Variants in SPACA6 observed in about 807,000 individuals in gnomAD.
SPACA6 encodes sperm acrosome associated 6, also known as sperm acrosome membrane-associated protein 6.
For synonymous variants in SPACA6, 6 were observed against 1.5 expected (o/e 4.05, Z -2.21); for missense variants, 8 against 2.8 (o/e 2.88, Z -1.34).
intron 2 of SPACA6, among the ~76,000 whole-genome samples, chr19:51,696,828 A>G (rs958781641): frequency 2.6e-5 from 4 of 152,180 alleles, no homozygotes; most frequent in Admixed American, 1.3e-4. Context: ...GCAAGGTGAC[A>G]GTGACAGCGA....
In SPACA6 at chr19:51,694,532, T is replaced by A. The variant is rs1320687510; in HGVS notation, c.269T>A (p.Leu90Gln). Residue 90 changes from leucine to glutamine, a missense_variant, in exon 2 of 9, where the codon CTG (leucine) becomes CAG (glutamine). Transcript: ENST00000637797. ...ACCTTCACCCAGATGACCCATGCCC[T>A]GCAGGAGCTGGCTGCTGCCCAGGGT... ...HDTFTQMTHA[L>Q]QELAAAQGSF... 2.5e-6 allele frequency: 1 copy of A among 399,438 alleles called. No homozygotes were observed. The highest frequency in any genetic ancestry group is 4.4e-6 in the Non-Finnish European group (1 of 226,400). 24.7% of individuals were successfully genotyped at this position (399,438 alleles called of 1,614,324 possible).
At chr19:51,696,458 G>GT (rs1297970325) in intron 2 of SPACA6, among the ~76,000 whole-genome samples, 3 of 151,846 alleles carry the variant, frequency 2.0e-5, no homozygotes, top group South Asian at 2.1e-4. Flanking sequence ...TAGTTTTTTT[G>GT]TTTTTTTGAG....
At chr19:51,688,851 G>A (rs145613834), upstream of SPACA6, among the ~76,000 whole-genome samples, 151 of 151,628 alleles carry the variant, frequency 1.0e-3, no homozygotes, top group African/African-American at 3.5e-3. Flanking sequence ...GACACAGAGA[G>A]GCAGCAAAAG....
rs570432291 is a variant in SPACA6, at chr19:51,702,152, A to G, written c.361+426A>G. 5.9e-5 allele frequency among the ~76,000 whole-genome samples: 9 copies of G among 151,832 alleles called. No homozygotes were observed. In the South Asian group the frequency reaches 6.3e-4, roughly 11 times the overall value. On this transcript the variant is annotated intron_variant, in intron 3 of 8. Transcript: ENST00000637797. ...GAGCCTCAGACCTTGAGGGACGACT[A>G]TTTCCCCGCGTGGACCATTTTTGAT... is the stretch of plus-strand genomic sequence containing the variant.
At chr19:51,694,671 G>A (rs1568616054) in intron 2 of SPACA6, 116 bp downstream of exon 2, 7 of 398,236 alleles carry the variant, frequency 1.8e-5, no homozygotes, top group Non-Finnish European at 2.7e-5. Flanking sequence ...AGTGATCCGG[G>A]AGGGGAAAGC....
At chr19:51,695,348 A>G (rs541655355) in intron 2 of SPACA6, among the ~76,000 whole-genome samples, 3 of 152,334 alleles carry the variant, frequency 2.0e-5, no homozygotes. Flanking sequence ...ACGAGGTGCC[A>G]GACCCTGGAA....
downstream of SPACA6, among the ~76,000 whole-genome samples, chr19:51,706,124 C>T (rs61000150): frequency 8.3e-4 from 126 of 152,290 alleles, 1 homozygote; most frequent in East Asian, 0.018. Flanking sequence ...CAGGTCTGGC[C>T]TTTGCTGACC....
At chr19:51,690,363 C>T (rs527691962), upstream of SPACA6, among the ~76,000 whole-genome samples, 1 of 152,240 alleles carries the variant, frequency 6.6e-6, no homozygotes, top group South Asian at 2.1e-4. Flanking sequence ...GGCCCCCAAC[C>T]CTCTGTTCCT....
At chr19:51,683,227 C>T in the SPACA6 span, among the ~76,000 whole-genome samples, 33 of 152,246 alleles carry the variant, frequency 2.2e-4, no homozygotes, top group African/African-American at 7.9e-4. Flanking sequence ...ATCTCTCTGC[C>T]TCCATCATCA....
chr19:51,702,195 A>G (rs1196135085), intron 3 of SPACA6, among the ~76,000 whole-genome samples: 1 of 149,030 alleles, frequency 6.7e-6, no homozygotes, highest in Non-Finnish European at 1.5e-5. Context: ...CGCCCCTTCG[A>G]TGAAAGGTTT....
At chr19:51,696,582 G>A (rs2083432523) in intron 2 of SPACA6, among the ~76,000 whole-genome samples, 1 of 152,000 alleles carries the variant, frequency 6.6e-6, no homozygotes, top group African/African-American at 2.4e-5. Context: ...CAAGTAGCTG[G>A]GACTATAGGT....
At chr19:51,692,531 C>T (rs893768173), upstream of SPACA6, 3 of 461,614 alleles carry the variant, frequency 6.5e-6, no homozygotes, top group Admixed American at 3.0e-5. This position sits in a 1 kb window ranked among gnomAD's most constrained non-coding sequence, Gnocchi z 5.6. Context: ...ACTCCAGGGT[C>T]CCTGATGAGG....
At chr19:51,685,315 T>C (rs553408960), upstream of SPACA6, 1 of 152,196 alleles carries the variant, frequency 6.6e-6, no homozygotes, top group Non-Finnish European at 1.5e-5. Flanking sequence ...AAGATGGTGA[T>C]ATAGGTTGAG....
At chr19:51,691,957 G>A (rs2083377253), upstream of SPACA6, among the ~76,000 whole-genome samples, 1 of 152,174 alleles carries the variant, frequency 6.6e-6, no homozygotes, top group African/African-American at 2.4e-5. Context: ...CCTGCCAAAT[G>A]GGGATGCTGA....
chr19:51,694,278 C>T (rs1016280526), intron 1 of SPACA6, 200 bp from the exon 2 acceptor site: 6 of 295,214 alleles, frequency 2.0e-5, no homozygotes, highest in East Asian at 4.9e-5. Flanking sequence ...AGCAGGATAG[C>T]GACTGGTCGG....
intron 2 of SPACA6, among the ~76,000 whole-genome samples, chr19:51,699,648 GCA>G (rs2083454410): frequency 6.6e-6 from 1 of 152,080 alleles, no homozygotes; most frequent in Non-Finnish European, 1.5e-5. Flanking sequence ...GTCCCTGTGT[GCA>G]TCTCTGTGTC....
chr19:51,703,801 GA>G lies in SPACA6; in HGVS notation c.574-219del, dbSNP rs72349418. 0.04 allele frequency among the ~76,000 whole-genome samples: 5,867 copies of G among 148,506 alleles called. 398 individuals are homozygous for G. The highest frequency in any genetic ancestry group is 0.14 in the African/African-American group (5,526 of 40,510). On this transcript the variant is annotated intron_variant, in intron 6 of 8. Coordinates refer to ENST00000637797, the MANE Select transcript of SPACA6 (RefSeq NM_001316972.2). The surrounding 1 kb of genome is among the most constrained non-coding windows in gnomAD (Gnocchi z 4.2). Reference sequence around the variant, plus strand: ...CGCCAGAACGAGACCCTGTCTGGAAGAAAAAAAAAATACATAAATAAAAGCA... The same window carrying G: ...CGCCAGAACGAGACCCTGTCTGGAAGAAAAAAAAATACATAAATAAAAGCA...
the SPACA6 span, among the ~76,000 whole-genome samples, chr19:51,683,649 A>G: frequency 6.6e-6 from 1 of 152,380 alleles, no homozygotes; most frequent in South Asian, 2.1e-4. Flanking sequence ...ATAAAGAGCT[A>G]GCTCTGTATT....
At chr19:51,689,832 G>A (rs1042973388), upstream of SPACA6, among the ~76,000 whole-genome samples, 1 of 152,014 alleles carries the variant, frequency 6.6e-6, no homozygotes, top group Non-Finnish European at 1.5e-5. Flanking sequence ...ATGGGGGCTG[G>A]GGCTGGTAGG....
Sources: gnomAD v4.1 joint callset for allele counts (sites outside exome capture counted in the v4.1 genomes callset) on GRCh38, gnomAD v4.1.1 for gene constraint, Gnocchi (gnomAD v3.1) non-coding constraint, MANE v1.5 for transcripts, NCBI Gene and HGNC (gene_info 2026-07-23, HGNC 2026-07-21) for gene names.